A1CF: variants seen among roughly 807,000 people sequenced by gnomAD.
The protein encoded by A1CF is APOBEC1 complementation factor.
Under a neutral mutation model 68.9 loss-of-function variants are expected in A1CF, and 48 were observed. The observed-to-expected ratio is 0.70, with a 90% CI of 0.55 to 0.89. A1CF has a LOEUF of 0.89. Ranked by LOEUF, A1CF falls within the 40% of genes least tolerant of loss-of-function variation. A1CF has a pLI of 0.00. For missense variants in A1CF, 653 were observed against 718.9 expected (o/e 0.91, Z 1.05); for synonymous variants, 272 against 260.4 (o/e 1.04, Z -0.43).
At chr10:50,882,667 T>C (rs1398823349) in intron 1 of A1CF, among the ~76,000 whole-genome samples, 1 of 152,140 alleles carries the variant, frequency 6.6e-6, no homozygotes, top group Non-Finnish European at 1.5e-5. Flanking sequence ...GGCAGTTGGA[T>C]TGTGAGAGCT....
intron 3 of A1CF, among the ~76,000 whole-genome samples, chr10:50,857,655 G>A: frequency 6.6e-6 from 1 of 152,180 alleles, no homozygotes; most frequent in East Asian, 1.9e-4. Flanking sequence ...CCCTGCCTTT[G>A]TGTTTGGGGA....
chr10:50,840,261 C>T (rs1456196709), intron 5 of A1CF, among the ~76,000 whole-genome samples: 2 of 148,450 alleles, frequency 1.3e-5, no homozygotes, highest in African/African-American at 2.5e-5. Flanking sequence ...AATTGATGAA[C>T]TGTGCTAAAA....
In A1CF at chr10:50,841,936, T is replaced by C; in HGVS notation, c.291A>G (p.Gly97=). ...TATTTGAAAATGTTACAAATGCATATCCTCTATTGTTGCCATTAAAATCCA... is the reference window on the plus strand; with the variant it reads ...TATTTGAAAATGTTACAAATGCATACCCTCTATTGTTGCCATTAAAATCCA... ...MMMDFNGNNR[G]YAFVTFSNKV... is the part of the protein sequence containing the mutation. The change falls in exon 5 of 13, where the codon GGA becomes GGG. Residue 97 remains glycine (G), a synonymous_variant. Transcript: ENST00000373997. 1 of 1,612,340 alleles carries C rather than the reference T, an allele frequency of 6.2e-7. No homozygotes were observed. The highest frequency in any genetic ancestry group is 1.1e-5 in the South Asian group (1 of 90,836).
At chr10:50,870,642 C>T (rs1589043988) in intron 1 of A1CF, among the ~76,000 whole-genome samples, 1 of 151,902 alleles carries the variant, frequency 6.6e-6, no homozygotes, top group East Asian at 1.9e-4. Context: ...TCAATGTTTT[C>T]CTCCCAAATA....
chr10:50,834,357 A>G (rs537575624), intron 6 of A1CF, among the ~76,000 whole-genome samples: 3 of 152,292 alleles, frequency 2.0e-5, no homozygotes, highest in African/African-American at 7.2e-5. Flanking sequence ...GTTTCTCAAG[A>G]AGGTGCTGGC....
chr10:50,868,662 A>G (rs1378335262), intron 1 of A1CF, among the ~76,000 whole-genome samples: 1 of 152,224 alleles, frequency 6.6e-6, no homozygotes, highest in African/African-American at 2.4e-5. Flanking sequence ...TAAAGAAAGA[A>G]AAGAAATGTA....
At chr10:50,862,755 C>G (rs41304623) in intron 2 of A1CF, 1 of 152,314 alleles carries the variant, frequency 6.6e-6, no homozygotes, top group Non-Finnish European at 1.5e-5. Flanking sequence ...TTAACTCTTG[C>G]TTTTTTCCCA....
chr10:50,859,767 C>A, intron 3 of A1CF, 75 bp downstream of exon 3: 2 of 1,306,214 alleles, frequency 1.5e-6, no homozygotes, highest in Non-Finnish European at 2.2e-6. Context: ...TCCCATTTTG[C>A]ATCTTAGGAC....
chr10:50,847,315 T>G (rs541765908), intron 3 of A1CF, among the ~76,000 whole-genome samples: 1 of 152,296 alleles, frequency 6.6e-6, no homozygotes, highest in African/African-American at 2.4e-5. Flanking sequence ...CTATGTAAAT[T>G]AACAATTGAG....
chr10:50,848,134 A>G (rs1303730723), intron 3 of A1CF, among the ~76,000 whole-genome samples: 1 of 152,146 alleles, frequency 6.6e-6, no homozygotes, highest in East Asian at 1.9e-4. Context: ...CTTCCATTTT[A>G]TAGGCAAGGA....
chr10:50,866,488 C>T (rs1373943057), intron 1 of A1CF, among the ~76,000 whole-genome samples: 1 of 152,170 alleles, frequency 6.6e-6, no homozygotes, highest in Non-Finnish European at 1.5e-5. Context: ...GTTAGAGCTG[C>T]AGTTCCCGAC....
At chr10:50,806,905 T>A in intron 12 of A1CF, 25 bp from the exon 13 acceptor site, 1 of 1,591,406 alleles carries the variant, frequency 6.3e-7, no homozygotes, top group Non-Finnish European at 8.5e-7. Context: ...AGAGAAAACT[T>A]GATGAAAGGA....
intron 6 of A1CF, among the ~76,000 whole-genome samples, chr10:50,831,106 A>G (rs1289533098): frequency 2.0e-5 from 3 of 152,188 alleles, no homozygotes; most frequent in African/African-American, 7.2e-5. Context: ...CACATAAGCC[A>G]AGTTAAAATG....
chr10:50,872,606 G>A (rs1449201851), intron 1 of A1CF, among the ~76,000 whole-genome samples: 1 of 152,134 alleles, frequency 6.6e-6, no homozygotes, highest in Non-Finnish European at 1.5e-5. Flanking sequence ...CAATGAGGGG[G>A]ATGCTGTGGT....
At chr10:50,819,918 G>A (rs1034897408) in intron 8 of A1CF, among the ~76,000 whole-genome samples, 1 of 152,118 alleles carries the variant, frequency 6.6e-6, no homozygotes. Context: ...ACGAGTTTGT[G>A]TAGTTGTCTT....
chr10:50,810,536 C>G (rs1838056106), intron 11 of A1CF, among the ~76,000 whole-genome samples: 1 of 152,136 alleles, frequency 6.6e-6, no homozygotes. Flanking sequence ...GGTTGGAGTG[C>G]AGTGGTACAA....
At chr10:50,826,812 G>T (rs1172619382) in intron 7 of A1CF, among the ~76,000 whole-genome samples, 1 of 152,258 alleles carries the variant, frequency 6.6e-6, no homozygotes, top group East Asian at 1.9e-4. Context: ...TGGGCTAAAT[G>T]CTCCAATTAA....
intron 3 of A1CF, among the ~76,000 whole-genome samples, chr10:50,856,983 G>A (rs1467892835): frequency 2.6e-5 from 4 of 152,060 alleles, no homozygotes; most frequent in Non-Finnish European, 5.9e-5. Flanking sequence ...TTACAATGGA[G>A]CAAAATTTTT....
intron 6 of A1CF, among the ~76,000 whole-genome samples, chr10:50,829,094 T>G (rs2132398186): frequency 6.6e-6 from 1 of 152,316 alleles, no homozygotes; most frequent in Middle Eastern, 3.4e-3. Context: ...ATGTGCCATC[T>G]CAGTTACTTC....
Sources: allele counts gnomAD v4.1 joint callset (sites outside exome capture counted in the v4.1 genomes callset), GRCh38; gene constraint gnomAD v4.1.1; transcripts MANE v1.5; gene names NCBI Gene and HGNC (gene_info 2026-07-23, HGNC 2026-07-21).